The following ZNF277 variants were observed in gnomAD, a reference collection of about 807,000 sequenced individuals.
The protein encoded by ZNF277 is zinc finger protein 277.
In ZNF277, 55 loss-of-function variants were observed where a neutral mutation model predicts 60.7. That is an observed-to-expected ratio of 0.91 (90% CI 0.73 to 1.13). The LOEUF (loss-of-function observed/expected upper bound fraction) is 1.13. Among genes scored for constraint, ZNF277 ranks in the 50% most tolerant of loss-of-function variants. The pLI is 0.00. For synonymous variants in ZNF277, 178 were observed against 179.3 expected, an observed-to-expected ratio of 0.99 and a Z score of 0.06; for missense variants, 510 against 523.0, an observed-to-expected ratio of 0.98 and a Z score of 0.24.
chr7:112,273,494 G>T (rs1217357767), intron 1 of ZNF277, among the ~76,000 whole-genome samples: 2 of 152,080 alleles, frequency 1.3e-5, no homozygotes. Flanking sequence ...CCTCTTTCAG[G>T]GATATGAAGT....
chr7:112,313,915 G>A (rs539706141), intron 4 of ZNF277, among the ~76,000 whole-genome samples: 15 of 152,150 alleles, frequency 9.9e-5, no homozygotes, highest in African/African-American at 2.9e-4. Flanking sequence ...TGCACCTCGG[G>A]TATAAATGTA....
chr7:112,292,168 A>C (rs1792223898), intron 2 of ZNF277, among the ~76,000 whole-genome samples: 1 of 152,210 alleles, frequency 6.6e-6, no homozygotes, highest in African/African-American at 2.4e-5. Context: ...TCTGATGGAA[A>C]GTAAGCATGT....
intron 1 of ZNF277, among the ~76,000 whole-genome samples, chr7:112,238,218 GGCAGCTTAGC>G (rs1282550996): frequency 5.3e-5 from 8 of 152,200 alleles, no homozygotes; most frequent in African/African-American, 1.9e-4. Context: ...TCTCAGCAGT[GGCAGCTTAGC>G]GCAGAGAGTG....
chr7:112,290,922 C>T (rs1382789126), intron 2 of ZNF277, among the ~76,000 whole-genome samples: 1 of 152,018 alleles, frequency 6.6e-6, no homozygotes, highest in Non-Finnish European at 1.5e-5. Context: ...CACATTCACT[C>T]AGAACTCAAG....
chr7:112,215,508 G>A (rs953510969), intron 1 of ZNF277, among the ~76,000 whole-genome samples: 1 of 152,166 alleles, frequency 6.6e-6, no homozygotes, highest in African/African-American at 2.4e-5. Flanking sequence ...CAGTGTAGTT[G>A]GTGGGCTCTG....
intron 1 of ZNF277, 24 bp from the exon 2 acceptor site, chr7:112,286,849 T>TTTTTTTTC: frequency 7.4e-7 from 1 of 1,356,218 alleles, no homozygotes; most frequent in East Asian, 2.6e-5. Context: ...TTCTTTTTTT[T>TTTTTTTTC]TTTTTTTTTT....
At chr7:112,318,386 C>T (rs951077362) in intron 5 of ZNF277, 113 bp downstream of exon 5, 11 of 828,758 alleles carry the variant, frequency 1.3e-5, no homozygotes, top group East Asian at 7.9e-5. Flanking sequence ...AGGACCCTTT[C>T]GTATATAAGC....
At chr7:112,325,182 G>A (rs987367407) in intron 5 of ZNF277, among the ~76,000 whole-genome samples, 1 of 152,162 alleles carries the variant, frequency 6.6e-6, no homozygotes. Context: ...AGTTCCATCT[G>A]TACCTGGCCC....
chr7:112,292,398 G>C (rs973947922), intron 2 of ZNF277, among the ~76,000 whole-genome samples: 1 of 152,120 alleles, frequency 6.6e-6, no homozygotes, highest in African/African-American at 2.4e-5. Context: ...TTCAGACTGA[G>C]GGCTACTGTT....
In ZNF277 at chr7:112,329,126, A is replaced by G. The variant is rs1297054488; in HGVS notation, c.669-958A>G. On this transcript the variant is annotated intron_variant, in intron 6 of 11. Coordinates refer to ENST00000361822, the MANE Select transcript of ZNF277 (RefSeq NM_021994.3). ...CAAAAGAATATTATTATGCCCTGGA[A>G]TATATTCTTTGGCATAAGAAATTGA... 3.3e-5 allele frequency among the ~76,000 whole-genome samples: 5 copies of G among 152,206 alleles called. No individual in the cohort carries two copies. The East Asian group carries it at 7.7e-4, about 23-fold the overall frequency.
chr7:112,210,929 C>T (rs1285984425), intron 1 of ZNF277, among the ~76,000 whole-genome samples: 1 of 152,190 alleles, frequency 6.6e-6, no homozygotes, highest in Admixed American at 6.5e-5. Context: ...TAAAAATCAG[C>T]AAGGTAGCAC....
At chr7:112,310,478 A>AGAGAGAGAGAGAGTGTGTGT (rs762824873) in intron 4 of ZNF277, among the ~76,000 whole-genome samples, 1 of 125,512 alleles carries the variant, frequency 8.0e-6, no homozygotes, top group African/African-American at 3.9e-5. Context: ...AGAGAGAGAG[A>AGAGAGAGAGAGAGTGTGTGT]GTGTGTGTGT....
At chr7:112,327,362 C>T (rs139104060) in intron 5 of ZNF277, among the ~76,000 whole-genome samples, 53 of 152,248 alleles carry the variant, frequency 3.5e-4, no homozygotes, top group African/African-American at 8.9e-4. Flanking sequence ...TGACAGGAGG[C>T]GGAGCGCAGG....
chr7:112,230,756 A>T (rs938764731), intron 1 of ZNF277, among the ~76,000 whole-genome samples: 1 of 152,226 alleles, frequency 6.6e-6, no homozygotes, highest in Non-Finnish European at 1.5e-5. Flanking sequence ...AAAATTGGCC[A>T]TATATTAATA....
intron 8 of ZNF277, among the ~76,000 whole-genome samples, chr7:112,336,876 T>G (rs1793345018): frequency 6.6e-6 from 1 of 152,164 alleles, no homozygotes; most frequent in African/African-American, 2.4e-5. Flanking sequence ...TGTTAAAGTT[T>G]TAATGACACA....
intron 9 of ZNF277, 151 bp downstream of exon 9, chr7:112,337,977 G>A (rs1480614384): frequency 1.7e-6 from 1 of 595,100 alleles, no homozygotes; most frequent in East Asian, 3.2e-5. Context: ...CCAGAGCTCA[G>A]GGCAATTTAG....
chr7:112,233,933 T>A (rs572245497), intron 1 of ZNF277, among the ~76,000 whole-genome samples: 2 of 152,290 alleles, frequency 1.3e-5, no homozygotes, highest in East Asian at 3.9e-4. Flanking sequence ...ACTTTTTTTT[T>A]TCAGTTATGC....
intron 1 of ZNF277, among the ~76,000 whole-genome samples, chr7:112,249,081 C>T (rs1045554665): frequency 6.6e-5 from 10 of 152,134 alleles, no homozygotes; most frequent in African/African-American, 2.2e-4. Flanking sequence ...ATTCTTTTCT[C>T]ACTCATGGGT....
intron 1 of ZNF277, among the ~76,000 whole-genome samples, chr7:112,238,455 A>G (rs1332232534): frequency 6.6e-6 from 1 of 152,174 alleles, no homozygotes; most frequent in African/African-American, 2.4e-5. Context: ...GAGGTCCTAA[A>G]GAAATCAGAA....
Sources: gnomAD v4.1 joint callset for allele counts (sites outside exome capture counted in the v4.1 genomes callset) on GRCh38, gnomAD v4.1.1 for gene constraint, MANE v1.5 for transcripts, NCBI Gene and HGNC (gene_info 2026-07-23, HGNC 2026-07-21) for gene names.